Variants in CSMD1 observed in about 807,000 individuals in gnomAD.
The protein encoded by CSMD1 is CUB and Sushi multiple domains 1, also known as CUB and sushi domain-containing protein 1.
Under a neutral mutation model 417.5 loss-of-function variants are expected in CSMD1, and 213 were observed. The ratio of observed to expected loss-of-function variants is 0.51; its 90% CI spans 0.46 to 0.57. CSMD1 has a LOEUF of 0.57. Ranked by LOEUF, CSMD1 falls within the 20% of genes least tolerant of loss-of-function variation. The pLI is 0.00. For missense variants in CSMD1, 6,923 were observed against 4,529.7 expected (o/e 1.53, Z -15.17); for synonymous variants, 2,862 against 1,736.8 (o/e 1.65, Z -16.11).
chr8:4,351,950 T>TC (rs1491146214), intron 3 of CSMD1, among the ~76,000 whole-genome samples: 1 of 7,644 alleles, frequency 1.3e-4, no homozygotes, highest in Non-Finnish European at 3.1e-4. Context: ...CTTTATGCTA[T>TC]TTTTTTTTTT....
Position 4,353,428 on chromosome 8 carries a change from C to A in CSMD1, c.415+66525G>T, listed in dbSNP as rs551186150. On this transcript the variant is annotated intron_variant, in intron 3 of 69. Coordinates refer to ENST00000635120, the MANE Select transcript of CSMD1 (RefSeq NM_033225.6). ...CTAAACCTCTTTCCTTTATAAATTA[C>A]CTATTCTCGAGTATGTCTTTATTAG... 5.9e-5 allele frequency among the ~76,000 whole-genome samples: 9 copies of A among 152,184 alleles called. No individual in the cohort carries two copies. The South Asian group carries it at 1.9e-3, about 32-fold the overall frequency.
chr8:3,016,778 A>G (rs996251891), intron 52 of CSMD1, among the ~76,000 whole-genome samples: 3 of 152,154 alleles, frequency 2.0e-5, no homozygotes, highest in Non-Finnish European at 4.4e-5. Flanking sequence ...CTCTGAGCAA[A>G]TGGACTCATT....
intron 3 of CSMD1, among the ~76,000 whole-genome samples, chr8:4,262,326 C>CT (rs1168407447): frequency 6.6e-6 from 1 of 152,132 alleles, no homozygotes; most frequent in Non-Finnish European, 1.5e-5. Flanking sequence ...AGCCCTGCCT[C>CT]TTTTTTTCAT....
At chr8:3,065,833 C>G (rs1431079892) in intron 49 of CSMD1, among the ~76,000 whole-genome samples, 2 of 152,134 alleles carry the variant, frequency 1.3e-5, no homozygotes, top group Non-Finnish European at 2.9e-5. Context: ...ACTAGATTCC[C>G]TAGTGATAAA....
At chr8:4,755,120 G>C (rs1320177875) in intron 1 of CSMD1, among the ~76,000 whole-genome samples, 1 of 152,196 alleles carries the variant, frequency 6.6e-6, no homozygotes, top group Non-Finnish European at 1.5e-5. Context: ...CCTGGTGACA[G>C]AGGGACACTG....
intron 5 of CSMD1, among the ~76,000 whole-genome samples, chr8:3,804,686 G>A (rs564902471): frequency 1.3e-5 from 2 of 152,258 alleles, no homozygotes; most frequent in South Asian, 2.1e-4. Flanking sequence ...AGAAATGTGA[G>A]TAGGAAGAAA....
intron 5 of CSMD1, among the ~76,000 whole-genome samples, chr8:3,831,075 G>C (rs1004664419): frequency 6.6e-6 from 1 of 152,198 alleles, no homozygotes; most frequent in South Asian, 2.1e-4. Flanking sequence ...CCAGAAGAAA[G>C]GAATCAAATA....
At chr8:3,570,880 A>G (rs940041220) in intron 10 of CSMD1, among the ~76,000 whole-genome samples, 1 of 152,254 alleles carries the variant, frequency 6.6e-6, no homozygotes, top group African/African-American at 2.4e-5. Context: ...TTTAAACAAT[A>G]GGAACTCTAA....
rs374886190 is a variant in CSMD1 at position 2,942,422 on chromosome 8, C to T, written c.10535+50G>A. On this transcript the variant is annotated intron_variant, in intron 69 of 69. Coordinates refer to ENST00000635120, the MANE Select transcript of CSMD1 (RefSeq NM_033225.6). ...CGAGAGCATGCCCATTACTTTAAAC[C>T]CATAGTTTACACTCACAACATTCTC... 15 of 1,538,216 alleles carry T rather than the reference C, an allele frequency of 9.8e-6. No individual in the cohort carries two copies. In the East Asian group the frequency reaches 2.9e-4, roughly 30 times the overall value.
intron 2 of CSMD1, among the ~76,000 whole-genome samples, chr8:4,573,500 TC>T (rs1477335653): frequency 6.6e-6 from 1 of 152,132 alleles, no homozygotes; most frequent in Non-Finnish European, 1.5e-5. Context: ...GGAAGCTTTG[TC>T]CCAGAAGGGC....
chr8:4,038,127 A>G (rs777390939), intron 3 of CSMD1, among the ~76,000 whole-genome samples: 44 of 152,312 alleles, frequency 2.9e-4, no homozygotes, highest in Admixed American at 9.8e-4. Flanking sequence ...TTTAAGGTTT[A>G]AAGTCACTGA....
At chr8:3,910,942 A>G (rs563672008) in intron 5 of CSMD1, among the ~76,000 whole-genome samples, 6 of 152,322 alleles carry the variant, frequency 3.9e-5, no homozygotes, top group Non-Finnish European at 8.8e-5. Context: ...TTGATTGATC[A>G]CGACCAGGAA....
rs10655689 is a variant in CSMD1 at position 3,608,763 on chromosome 8, C to CAAAAA, written c.1097+7942_1097+7946dup. 1.9e-3 allele frequency among the ~76,000 whole-genome samples: 266 copies of CAAAAA among 139,174 alleles called. 3 individuals are homozygous for CAAAAA. The highest frequency in any genetic ancestry group is 6.2e-3 in the African/African-American group (227 of 36,906). 91.3% of individuals were successfully genotyped at this position (139,174 alleles called of 152,430 possible). On this transcript the variant is annotated intron_variant, in intron 8 of 69. Coordinates refer to ENST00000635120, the MANE Select transcript of CSMD1 (RefSeq NM_033225.6). ...TGGACAACAGAGTGAGACTCTGTCTCAAAAAAAAAAAAAAATCATAACGTC... is the reference window on the plus strand; with the variant it reads ...TGGACAACAGAGTGAGACTCTGTCTCAAAAAAAAAAAAAAAAAAAATCATAACGTC...
intron 17 of CSMD1, among the ~76,000 whole-genome samples, chr8:3,391,232 A>G (rs1275882354): frequency 6.6e-6 from 1 of 152,178 alleles, no homozygotes; most frequent in African/African-American, 2.4e-5. Flanking sequence ...CTTTATCACA[A>G]TGTTTCTTCC....
At chr8:3,886,748 T>C (rs1041615970) in intron 5 of CSMD1, among the ~76,000 whole-genome samples, 1 of 152,156 alleles carries the variant, frequency 6.6e-6, no homozygotes, top group Non-Finnish European at 1.5e-5. Context: ...ATCAGCCCTA[T>C]TCTCTGCAGG....
chr8:4,331,310 G>C (rs1546356), intron 3 of CSMD1, among the ~76,000 whole-genome samples: 76,395 of 151,970 alleles, frequency 0.5, 22,837 homozygotes, highest in Admixed American at 0.69. Flanking sequence ...ATGCTGCACG[G>C]TGGGTGCAAA....
chr8:4,078,095 A>T (rs1020599510), intron 3 of CSMD1, among the ~76,000 whole-genome samples: 1 of 152,194 alleles, frequency 6.6e-6, no homozygotes, highest in Non-Finnish European at 1.5e-5. Context: ...CCAAAGAGAG[A>T]AATCTTCAAA....
rs767850926 is a variant in CSMD1 at position 3,387,651 on chromosome 8, G to A, written c.2625C>T (p.Asp875=). Reference sequence around the variant, plus strand: ...GATGGCCGTTCACAGGGATGCCCGGGTCCAGGCAGGAATCCGACTCAAGCG... The same window carrying A: ...GATGGCCGTTCACAGGGATGCCCGGATCCAGGCAGGAATCCGACTCAAGCG... ...SVTLESDSCL[D]PGIPVNGHRH... is the part of the protein sequence containing the mutation. Residue 875 remains aspartate, a synonymous_variant, in exon 18 of 70, where the codon GAC becomes GAT. Coordinates refer to ENST00000635120, the MANE Select transcript of CSMD1 (RefSeq NM_033225.6). 3.1e-6 allele frequency: 5 copies of A among 1,599,782 alleles called. No homozygotes were observed. Among genetic ancestry groups the A allele is most frequent in the African/African-American group, 1.3e-5 (1 of 74,654 alleles).
intron 2 of CSMD1, among the ~76,000 whole-genome samples, chr8:4,628,813 T>C (rs1467951754): frequency 1.3e-5 from 2 of 152,068 alleles, no homozygotes; most frequent in South Asian, 4.1e-4. Context: ...TAAAATTATA[T>C]CTAGATCAGG....
Sources: allele counts gnomAD v4.1 joint callset (sites outside exome capture counted in the v4.1 genomes callset), GRCh38; gene constraint gnomAD v4.1.1; transcripts MANE v1.5; gene names NCBI Gene and HGNC (gene_info 2026-07-23, HGNC 2026-07-21).